The following CC2D1B variants were observed in gnomAD, a reference collection of about 807,000 sequenced individuals.
CC2D1B encodes the protein coiled-coil and C2 domain containing 1B, also known as coiled-coil and C2 domain-containing protein 1B.
Under a neutral mutation model 110.8 loss-of-function variants are expected in CC2D1B, and 92 were observed. That is an observed-to-expected ratio of 0.83 (90% CI 0.70 to 0.99). CC2D1B has a LOEUF of 0.99. Ranked by LOEUF, CC2D1B falls within the 50% of genes least tolerant of loss-of-function variation. The pLI is 0.00. For synonymous variants in CC2D1B, 406 were observed against 429.2 expected (o/e 0.95, Z 0.67); for missense variants, 1,136 against 1,089.0 (o/e 1.04, Z -0.61).
chr1:52,355,023 C>T (rs1012496954), intron 21 of CC2D1B, 84 bp from the exon 22 acceptor site: 6 of 1,120,646 alleles, frequency 5.4e-6, no homozygotes, highest in African/African-American at 1.5e-5. Context: ...GGCTGGCTGC[C>T]TTCCCCCAAT....
Position 52,361,540 on chromosome 1 carries a change from T to TTCCTCC in CC2D1B, c.285_290dup (p.Glu96_Glu97dup), listed in dbSNP as rs374206070. 6.8e-6 allele frequency: 11 copies of TTCCTCC among 1,608,826 alleles called. No individual in the cohort carries two copies. The African/African-American group carries it at 8.0e-5, about 12-fold the overall frequency. ...GCAGCTCTGCATCTTCCTCCAGCCC[T>TTCCTCC]TCCTCCTCCTCCTCCTCCTCCACAT... is the stretch of plus-strand genomic sequence containing the variant. On this transcript the variant is annotated inframe_insertion, in exon 4 of 25. Coordinates refer to ENST00000284376, the MANE Select transcript of CC2D1B (RefSeq NM_001330585.2).
Position 52,353,629 on chromosome 1 carries a change from GCTTC to G in CC2D1B, c.2445_2448del (p.Arg815SerfsTer9). Reference sequence around the variant, plus strand: ...TTCACCTCCAGCTTCCCCCCGGTGGGCTTCCTTCCATCCAGGACCTGTGAGGACC... The same window carrying G: ...TTCACCTCCAGCTTCCCCCCGGTGGGCTTCCATCCAGGACCTGTGAGGACC... On this transcript the variant is annotated frameshift_variant, in exon 24 of 25. Transcript: ENST00000284376. LOFTEE classifies it high-confidence loss of function. The G allele has an allele frequency of 6.2e-7, 1 of 1,606,440 alleles. No homozygotes were observed. Among genetic ancestry groups the G allele is most frequent in the Non-Finnish European group, 8.5e-7 (1 of 1,176,244 alleles).
rs147211573 is a variant in CC2D1B, at chr1:52,364,569, C to T, written c.52G>A (p.Val18Met). 4.7e-4 allele frequency: 754 copies of T among 1,605,824 alleles called. 1 individual carries two copies. The highest frequency in any genetic ancestry group is 5.9e-4 in the Non-Finnish European group (689 of 1,173,602). ...TTCCATACCTGCTTGGCAGCGGCCA[C>T]CCCTTGGCCTCTGGCCTGAGGGCCC... is the stretch of plus-strand genomic sequence containing the variant. Reference protein sequence around the residue: ...RKGPQARGQGVAAAKQMGLFM... With the variant: ...RKGPQARGQGMAAAKQMGLFM... Residue 18 changes from valine to methionine, a missense_variant, in exon 2 of 25, where the codon GTG becomes ATG. Physicochemically the swap from Val to Met is conservative, Grantham distance 21 (BLOSUM62 1). Transcript: ENST00000284376.
At chr1:52,363,301 A>G (rs1459915520) in intron 2 of CC2D1B, among the ~76,000 whole-genome samples, 4 of 151,610 alleles carry the variant, frequency 2.6e-5, no homozygotes, top group African/African-American at 9.7e-5. Flanking sequence ...AGGCTGAGGC[A>G]GGAGAATGGC....
chr1:52,361,178 A>G, intron 4 of CC2D1B, 46 bp from the exon 5 acceptor site: 2 of 1,609,704 alleles, frequency 1.2e-6, no homozygotes, highest in Non-Finnish European at 1.7e-6. Flanking sequence ...CCTCAAGACC[A>G]TACCCACAAC....
At chr1:52,364,895 G>A (rs185497972) in intron 1 of CC2D1B, among the ~76,000 whole-genome samples, 1 of 152,356 alleles carries the variant, frequency 6.6e-6, no homozygotes, top group Non-Finnish European at 1.5e-5. Context: ...TAGGTTCAGG[G>A]TGGGTGGAAG....
Position 52,359,443 on chromosome 1 carries a change from G to A in CC2D1B, c.1018+16C>T. 1 of 1,614,054 alleles carries A rather than the reference G, an allele frequency of 6.2e-7. No individual in the cohort carries two copies. The highest frequency in any genetic ancestry group is 1.1e-5 in the South Asian group (1 of 91,082). ...CCTCCCCAACCCCACCGCAGCCTGA[G>A]AAGATACATACTGACCCTCAGGTGC... On this transcript the variant is annotated intron_variant, in intron 9 of 24. Coordinates refer to ENST00000284376, the MANE Select transcript of CC2D1B (RefSeq NM_001330585.2).
At position 52,354,708 on chromosome 1, in the gene CC2D1B, C is replaced by T. The variant is rs1462199808; in HGVS notation, c.2340-10G>A. On this transcript the variant is annotated splice_polypyrimidine_tract_variant and intron_variant, in intron 22 of 24. Transcript: ENST00000284376. ...GCTTCTGAAGAAGGACCTGGGGAGT[C>T]AAGAGGCAGCAGAGGATTGGACTGG... 5 of 1,613,978 alleles carry T rather than the reference C, an allele frequency of 3.1e-6. No individual in the cohort carries two copies. The highest frequency in any genetic ancestry group is 4.2e-6 in the Non-Finnish European group (5 of 1,179,854).
At position 52,353,062 on chromosome 1, in the gene CC2D1B, A is replaced by G. The variant is rs1355002038; in HGVS notation, c.*163T>C. 2 of 661,748 alleles carry G rather than the reference A, an allele frequency of 3.0e-6. No homozygotes were observed. Among genetic ancestry groups the G allele is most frequent in the East Asian group, 1.4e-4 (2 of 14,740 alleles). The allele number at this position is 661,748 out of a possible 1,614,324, so 41.0% of individuals were successfully genotyped here. A position where few individuals can be genotyped will look rare whatever the true frequency, so the allele number is the denominator to read the frequency against. On this transcript the variant is annotated 3_prime_UTR_variant, in exon 25 of 25. Coordinates refer to ENST00000284376, the MANE Select transcript of CC2D1B (RefSeq NM_001330585.2). ...GTAGAGCCCCAGAGGGGCCAACAAC[A>G]GGAAAGACCAGAGTCGTGGTCAGTA...
At chr1:52,357,229 T>C (rs1557545259) in intron 15 of CC2D1B, 103 bp from the exon 16 acceptor site, 1 of 1,370,666 alleles carries the variant, frequency 7.3e-7, no homozygotes, top group East Asian at 2.3e-5. Flanking sequence ...CAGCTTCTAC[T>C]AAAGTCCAGT....
chr1:52,355,667 CT>C lies in CC2D1B; in HGVS notation c.2129-2del. On this transcript the variant is annotated splice_acceptor_variant, in intron 19 of 24. Transcript: ENST00000284376. LOFTEE classifies it high-confidence loss of function. ...GCATCCAGGTCATCGGGAGTCACCC[CT>C]GGGAAGGAGAAAAGGGAGTCAAGTC... 6.2e-7 allele frequency: 1 copy of C among 1,614,138 alleles called. No homozygotes were observed. The highest frequency in any genetic ancestry group is 8.5e-7 in the Non-Finnish European group (1 of 1,180,026).
intron 23 of CC2D1B, chr1:52,354,014 G>A (rs1046189259): frequency 1.1e-5 from 3 of 284,502 alleles, no homozygotes; most frequent in East Asian, 1.7e-4. Context: ...CTATGTGGCA[G>A]AGTCAGCACT....
intron 11 of CC2D1B, 85 bp from the exon 12 acceptor site, chr1:52,358,843 A>C: frequency 1.4e-6 from 2 of 1,469,086 alleles, no homozygotes; most frequent in East Asian, 4.6e-5. Flanking sequence ...GGGCAAGGAG[A>C]GGGAGACTGG....
Position 52,357,585 on chromosome 1 carries a change from T to C in CC2D1B, c.1693A>G (p.Lys565Glu). 5 of 1,586,074 alleles carry C rather than the reference T, an allele frequency of 3.2e-6. No homozygotes were observed. Among genetic ancestry groups the C allele is most frequent in the Non-Finnish European group, 4.3e-6 (5 of 1,164,926 alleles). ...EQAKAYLRVAKWLEAQIIQAR... is the reference protein window; with the variant it reads ...EQAKAYLRVAEWLEAQIIQAR... The stretch of plus-strand genomic sequence containing the variant: ...TGGATGATCTGAGCCTCAAGCCATT[T>C]GGCTACCCGCAGATAGGCTTTGGCC... Residue 565 changes from lysine to glutamate, a missense_variant, in exon 15 of 25, where the codon AAA becomes GAA. Coordinates refer to ENST00000284376, the MANE Select transcript of CC2D1B (RefSeq NM_001330585.2).
Position 52,362,587 on chromosome 1 carries a change from T to C in CC2D1B, c.214+15A>G, listed in dbSNP as rs757858733. On this transcript the variant is annotated intron_variant, in intron 3 of 24. Coordinates refer to ENST00000284376, the MANE Select transcript of CC2D1B (RefSeq NM_001330585.2). ...CTTGTCCCAGCACCAAGACCAGCCC[T>C]GTGTCCAAACTCACCCTGCCCCTTG... The C allele has an allele frequency of 7.4e-6, 12 of 1,613,990 alleles. No homozygotes were observed. The East Asian group carries it at 2.5e-4, about 33-fold the overall frequency.
intron 2 of CC2D1B, among the ~76,000 whole-genome samples, chr1:52,364,209 G>A (rs572738205): frequency 7.2e-5 from 11 of 152,302 alleles, no homozygotes; most frequent in African/African-American, 2.6e-4. Context: ...TCCACTTGGG[G>A]CACAGCCATC....
Position 52,361,611 on chromosome 1 carries a change from G to GT in CC2D1B, c.219_220insA (p.Leu74ThrfsTer47). ...AACTTCTCGATGTGGGCCATGGGCA[G>GT]GGGGGCTGGGGGAAAAAGGTCACAA... On this transcript the variant is annotated frameshift_variant, in exon 4 of 25. Transcript: ENST00000284376. LOFTEE classifies it high-confidence loss of function. 1 of 1,613,656 alleles carries GT rather than the reference G, an allele frequency of 6.2e-7. No individual in the cohort carries two copies. Among genetic ancestry groups the GT allele is most frequent in the East Asian group, 2.2e-5 (1 of 44,890 alleles).
chr1:52,353,688 A>T (rs1268329599), intron 23 of CC2D1B, 41 bp from the exon 24 acceptor site: 3 of 1,464,134 alleles, frequency 2.0e-6, no homozygotes, highest in South Asian at 1.2e-5. Flanking sequence ...CTAAGGGGAC[A>T]GAGATGGGGA....
chr1:52,358,675 G>C lies in CC2D1B; in HGVS notation c.1330+11C>G. 1 of 1,612,524 alleles carries C rather than the reference G, an allele frequency of 6.2e-7. No individual in the cohort carries two copies. The highest frequency in any genetic ancestry group is 8.5e-7 in the Non-Finnish European group (1 of 1,179,224). On this transcript the variant is annotated intron_variant, in intron 12 of 24. Transcript: ENST00000284376. The stretch of plus-strand genomic sequence containing the variant: ...CCTCCTCACAGAGCCCCTAGGCCAT[G>C]CCCCACTTACCTGGAGGAACAGGCA...
Sources: allele counts gnomAD v4.1 joint callset (sites outside exome capture counted in the v4.1 genomes callset), GRCh38; gene constraint gnomAD v4.1.1; transcripts MANE v1.5; gene names NCBI Gene and HGNC (gene_info 2026-07-23, HGNC 2026-07-21).